Variants in MDGA2 observed in about 807,000 individuals in gnomAD.
The protein encoded by MDGA2 is MAM domain-containing glycosylphosphatidylinositol anchor protein 2.
Under a neutral mutation model 117.8 loss-of-function variants are expected in MDGA2, and 40 were observed. The observed-to-expected ratio is 0.34, with a 90% CI of 0.26 to 0.44. MDGA2 has a LOEUF of 0.44. Among genes scored for constraint, MDGA2 ranks in the 20% least tolerant of loss-of-function variants. The pLI is 1.00. For missense variants in MDGA2, 1,123 were observed against 1,250.6 expected, an observed-to-expected ratio of 0.90 and a Z score of 1.54; for synonymous variants, 452 against 439.0, an observed-to-expected ratio of 1.03 and a Z score of -0.37.
At chr14:47,615,448 C>T (rs552531292) in intron 1 of MDGA2, among the ~76,000 whole-genome samples, 2 of 151,772 alleles carry the variant, frequency 1.3e-5, no homozygotes, top group Non-Finnish European at 2.9e-5. Flanking sequence ...AGCCCAAGCC[C>T]ACATACACAA....
At chr14:47,555,136 T>A (rs1057007737) in intron 1 of MDGA2, among the ~76,000 whole-genome samples, 1 of 152,184 alleles carries the variant, frequency 6.6e-6, no homozygotes, top group African/African-American at 2.4e-5. Context: ...AAAAAAGCAT[T>A]ACCAATGCTT....
At chr14:47,654,953 G>T (rs1317080708) in intron 1 of MDGA2, among the ~76,000 whole-genome samples, 3 of 152,020 alleles carry the variant, frequency 2.0e-5, no homozygotes, top group Non-Finnish European at 4.4e-5. Flanking sequence ...ACCCTCCCAG[G>T]ATACAGGATT....
At chr14:47,634,787 T>A (rs1261281377) in intron 1 of MDGA2, among the ~76,000 whole-genome samples, 1 of 151,994 alleles carries the variant, frequency 6.6e-6, no homozygotes, top group Admixed American at 6.6e-5. Flanking sequence ...AAATGAAAAA[T>A]CTATAGGATG....
intron 5 of MDGA2, among the ~76,000 whole-genome samples, chr14:47,120,118 G>C (rs905651642): frequency 6.6e-6 from 1 of 152,146 alleles, no homozygotes; most frequent in Non-Finnish European, 1.5e-5. Context: ...TTCCTTGGTT[G>C]AGTACAATGT....
chr14:47,592,628 A>C (rs1341896149), intron 1 of MDGA2, among the ~76,000 whole-genome samples: 1 of 152,190 alleles, frequency 6.6e-6, no homozygotes, highest in Non-Finnish European at 1.5e-5. Flanking sequence ...AAAAACAAGC[A>C]ATGGGGAAAG....
intron 6 of MDGA2, among the ~76,000 whole-genome samples, chr14:47,089,396 G>A (rs1395221348): frequency 6.6e-6 from 1 of 151,976 alleles, no homozygotes; most frequent in Non-Finnish European, 1.5e-5. Flanking sequence ...TTTGTTTGTA[G>A]ATGTAGTCTC....
chr14:47,036,883 T>C (rs1332639062), intron 7 of MDGA2, among the ~76,000 whole-genome samples: 2 of 152,250 alleles, frequency 1.3e-5, no homozygotes, highest in South Asian at 2.1e-4. Context: ...CCTTCACTTA[T>C]TGTTTAAAAC....
intron 1 of MDGA2, among the ~76,000 whole-genome samples, chr14:47,504,892 C>G (rs1007941572): frequency 1.3e-5 from 2 of 152,104 alleles, no homozygotes; most frequent in Admixed American, 6.6e-5. Flanking sequence ...GATAACCACA[C>G]TCCCATGGTT....
chr14:47,018,078 C>G (rs938421605), intron 8 of MDGA2, among the ~76,000 whole-genome samples: 2 of 151,912 alleles, frequency 1.3e-5, no homozygotes, highest in African/African-American at 2.4e-5. Context: ...AAAAAGTGTA[C>G]TGTTTTAAAG....
intron 7 of MDGA2, among the ~76,000 whole-genome samples, chr14:47,049,084 A>G (rs925340870): frequency 2.6e-5 from 4 of 152,212 alleles, no homozygotes; most frequent in African/African-American, 9.6e-5. Context: ...AATGTCAACT[A>G]TATCTATTTT....
intron 8 of MDGA2, among the ~76,000 whole-genome samples, chr14:46,967,074 A>G (rs1886064960): frequency 7.1e-6 from 1 of 140,960 alleles, no homozygotes; most frequent in African/African-American, 2.5e-5. Flanking sequence ...ATGTTTAAAT[A>G]AATAATAGAA....
At chr14:47,578,731 GT>G (rs200486894) in intron 1 of MDGA2, among the ~76,000 whole-genome samples, 2,263 of 152,144 alleles carry the variant, frequency 0.015, 31 homozygotes, top group Middle Eastern at 0.037. Flanking sequence ...TTTAAATGTT[GT>G]TTTTAGTCAA....
intron 2 of MDGA2, among the ~76,000 whole-genome samples, chr14:47,287,035 G>GTATT: frequency 6.6e-6 from 1 of 151,592 alleles, no homozygotes; most frequent in African/African-American, 2.4e-5. Flanking sequence ...TTAAATAACT[G>GTATT]TACTATATAC....
chr14:47,671,189 T>TA (rs1898068114), intron 1 of MDGA2, among the ~76,000 whole-genome samples: 1 of 152,174 alleles, frequency 6.6e-6, no homozygotes, highest in South Asian at 2.1e-4. Flanking sequence ...ACACCATATA[T>TA]AAATCTTAGC....
At chr14:46,926,785 A>G (rs1288821629) in intron 9 of MDGA2, among the ~76,000 whole-genome samples, 1 of 152,214 alleles carries the variant, frequency 6.6e-6, no homozygotes, top group African/African-American at 2.4e-5. Flanking sequence ...TTTTACAACA[A>G]TAACTGCTGG....
chr14:47,538,897 T>C (rs1255358870), intron 1 of MDGA2, among the ~76,000 whole-genome samples: 1 of 152,114 alleles, frequency 6.6e-6, no homozygotes, highest in Non-Finnish European at 1.5e-5. Context: ...TCATTATATA[T>C]CTCAGGGGTA....
chr14:47,074,340 A>G, intron 6 of MDGA2, among the ~76,000 whole-genome samples: 1 of 150,418 alleles, frequency 6.6e-6, no homozygotes, highest in Non-Finnish European at 1.5e-5. Flanking sequence ...TCGCTCTGTC[A>G]CCCAGGCTGG....
At chr14:47,119,055 T>C (rs1175420041) in intron 5 of MDGA2, among the ~76,000 whole-genome samples, 4 of 147,314 alleles carry the variant, frequency 2.7e-5, no homozygotes, top group African/African-American at 4.9e-5. Context: ...ATATTCTCTT[T>C]TTTTTTTTTT....
intron 9 of MDGA2, among the ~76,000 whole-genome samples, chr14:46,923,950 C>G (rs1167084850): frequency 6.6e-6 from 1 of 151,932 alleles, no homozygotes; most frequent in Non-Finnish European, 1.5e-5. Flanking sequence ...TTCCAATAAG[C>G]ATACCAAGAA....
Sources: allele counts gnomAD v4.1 joint callset (sites outside exome capture counted in the v4.1 genomes callset), GRCh38; gene constraint gnomAD v4.1.1; transcripts MANE v1.5; gene names NCBI Gene and HGNC (gene_info 2026-07-23, HGNC 2026-07-21).